Variants in POLR3B observed in about 807,000 individuals in gnomAD.
The protein encoded by POLR3B is RNA polymerase III subunit B.
In POLR3B, 96 loss-of-function variants were observed where a neutral mutation model predicts 147.4. That is an observed-to-expected ratio of 0.65 (90% confidence interval 0.55 to 0.77). The LOEUF is 0.77. POLR3B is among the 30% of genes least tolerant of loss of function. The probability of loss-of-function intolerance (pLI) is 0.00; values close to 1 mark genes in which losing one functional copy is unlikely to be tolerated. For synonymous variants in POLR3B, 461 were observed against 485.9 expected (o/e 0.95, Z 0.67); for missense variants, 1,036 against 1,413.5 (o/e 0.73, Z 4.28).
At chr12:106,374,271 C>A (rs1350036109) in intron 6 of POLR3B, among the ~76,000 whole-genome samples, 1 of 152,124 alleles carries the variant, frequency 6.6e-6, no homozygotes, top group East Asian at 1.9e-4. Flanking sequence ...GGCCAGAGTG[C>A]AATGGTACAC....
intron 4 of POLR3B, among the ~76,000 whole-genome samples, chr12:106,367,784 T>C (rs1405216414): frequency 2.0e-5 from 3 of 152,226 alleles, no homozygotes; most frequent in Non-Finnish European, 2.9e-5. Flanking sequence ...CTTTTGTAAT[T>C]AATAAGTATC....
chr12:106,439,804 C>A (rs1162578175), intron 18 of POLR3B, among the ~76,000 whole-genome samples: 1 of 152,142 alleles, frequency 6.6e-6, no homozygotes, highest in Non-Finnish European at 1.5e-5. Context: ...CACCTATAAT[C>A]CCAGCAATTT....
At chr12:106,447,183 T>A (rs2037735430) in intron 19 of POLR3B, among the ~76,000 whole-genome samples, 1 of 152,196 alleles carries the variant, frequency 6.6e-6, no homozygotes, top group South Asian at 2.1e-4. Flanking sequence ...AGATAGTAGC[T>A]CAGAATTAAT....
At chr12:106,405,537 T>G (rs1175556240) in intron 10 of POLR3B, among the ~76,000 whole-genome samples, 2 of 67,312 alleles carry the variant, frequency 3.0e-5, no homozygotes, top group Non-Finnish European at 5.9e-5. Flanking sequence ...CTGCTATATG[T>G]CTACACACAC....
chr12:106,369,786 A>G (rs1463713462), intron 6 of POLR3B, 103 bp downstream of exon 6: 6 of 756,002 alleles, frequency 7.9e-6, no homozygotes, highest in Non-Finnish European at 1.4e-5. Flanking sequence ...TGCCTATTTC[A>G]TAGGTCCAAT....
chr12:106,509,911 C>A lies in POLR3B; in HGVS notation c.*362C>A. The A allele has an allele frequency of 4.6e-6, 1 of 217,074 alleles. No individual in the cohort carries two copies. The highest frequency in any genetic ancestry group is 9.4e-6 in the Non-Finnish European group (1 of 106,768). 13.4% of individuals were successfully genotyped at this position (217,074 alleles called of 1,614,324 possible). The stretch of plus-strand genomic sequence containing the variant: ...TTTGGGGTCAAATTTACCATATCTT[C>A]TGGCTAACCATATTCAAGATTCTTC... On this transcript the variant is annotated 3_prime_UTR_variant, in exon 28 of 28. Transcript: ENST00000228347.
intron 26 of POLR3B, among the ~76,000 whole-genome samples, chr12:106,502,971 G>A (rs148864478): frequency 9.2e-4 from 140 of 152,228 alleles, no homozygotes; most frequent in African/African-American, 3.2e-3. Flanking sequence ...AGACTGCCTC[G>A]AGTGCGTTTG....
chr12:106,419,556 T>C (rs1348240162), intron 12 of POLR3B, among the ~76,000 whole-genome samples: 1 of 152,170 alleles, frequency 6.6e-6, no homozygotes, highest in East Asian at 1.9e-4. Flanking sequence ...ACCTCAGAAT[T>C]CTTTAAGAAA....
rs778337028 is a variant in POLR3B at position 106,363,885 on chromosome 12, C to T, written c.88C>T (p.Leu30Phe). The T allele has an allele frequency of 3.1e-6, 5 of 1,608,364 alleles. No individual in the cohort carries two copies. The South Asian group carries it at 5.5e-5, about 18-fold the overall frequency. Residue 30 changes from leucine to phenylalanine, a missense_variant, in exon 2 of 28, where the codon CTT (leucine) becomes TTT (phenylalanine). Physicochemically the swap from Leu to Phe is conservative, Grantham distance 22. Coordinates refer to ENST00000228347, the MANE Select transcript of POLR3B (RefSeq NM_018082.6). ...IPTVEEKWRL[L>F]PAFLKVKGLV... ...TGGCTCACAGGAAAAATGGAGGCTG[C>T]TTCCAGCATTTTTAAAGGTAATTGT...
chr12:106,390,684 C>A (rs1483221461), intron 9 of POLR3B, among the ~76,000 whole-genome samples: 5 of 142,296 alleles, frequency 3.5e-5, no homozygotes, highest in African/African-American at 5.4e-5. Context: ...AAAGGTCTTG[C>A]ATCCTGAGAA....
intron 25 of POLR3B, chr12:106,500,164 A>G (rs1317471600): frequency 4.4e-6 from 2 of 455,926 alleles, no homozygotes; most frequent in Admixed American, 2.4e-5. Flanking sequence ...TAAGTAGCAC[A>G]TGGTAGTTGC....
chr12:106,387,589 G>T (rs1368456099), intron 9 of POLR3B, among the ~76,000 whole-genome samples: 1 of 152,028 alleles, frequency 6.6e-6, no homozygotes, highest in East Asian at 1.9e-4. Flanking sequence ...GGTCATAAAT[G>T]GTCACTTTTA....
intron 6 of POLR3B, among the ~76,000 whole-genome samples, chr12:106,369,998 T>A (rs566527466): frequency 1.3e-5 from 2 of 152,314 alleles, no homozygotes; most frequent in South Asian, 4.1e-4. Flanking sequence ...GATAGGTATA[T>A]TCTGAGATTG....
intron 23 of POLR3B, among the ~76,000 whole-genome samples, chr12:106,473,755 A>T (rs1199269192): frequency 0.013 from 1,594 of 121,724 alleles, 34 homozygotes; most frequent in African/African-American, 0.049. Context: ...CAGCTTAAGG[A>T]GATTTTGGGC....
intron 4 of POLR3B, among the ~76,000 whole-genome samples, chr12:106,368,788 GTTCCAC>G (rs1200682196): frequency 6.6e-6 from 1 of 152,086 alleles, no homozygotes; most frequent in Non-Finnish European, 1.5e-5. Flanking sequence ...GAAAATAGTT[GTTCCAC>G]TTCCAGTTCT....
intron 23 of POLR3B, among the ~76,000 whole-genome samples, chr12:106,471,268 G>C (rs552178947): frequency 1.1e-4 from 17 of 152,306 alleles, no homozygotes; most frequent in Admixed American, 3.3e-4. Context: ...GACCAACCAA[G>C]CCCAGGCACA....
At chr12:106,373,551 C>T (rs563230392) in intron 6 of POLR3B, among the ~76,000 whole-genome samples, 6 of 152,088 alleles carry the variant, frequency 3.9e-5, no homozygotes, top group African/African-American at 7.2e-5. Flanking sequence ...GTTGGGAGTT[C>T]GAGACCAGCC....
Position 106,499,798 on chromosome 12 carries a change from T to C in POLR3B, c.2985-1525T>C, listed in dbSNP as rs559125567. Among the ~76,000 whole-genome samples the C allele has an allele frequency of 2.6e-3, 403 of 152,314 alleles. 1 individual carries two copies. Among genetic ancestry groups the C allele is most frequent in the African/African-American group, 8.7e-3 (360 of 41,562 alleles). ...CTCTCCATTGTGCCTTCCACTCCAC[T>C]CTGTGTCTTCCAAGAACCAGGTTGT... On this transcript the variant is annotated intron_variant, in intron 25 of 27. Coordinates refer to ENST00000228347, the MANE Select transcript of POLR3B (RefSeq NM_018082.6).
chr12:106,464,568 C>G (rs189584566), intron 23 of POLR3B, among the ~76,000 whole-genome samples: 7 of 152,314 alleles, frequency 4.6e-5, no homozygotes, highest in African/African-American at 1.7e-4. Context: ...GCCACACTGA[C>G]TGTTAAGCAG....
Sources: allele counts gnomAD v4.1 joint callset (sites outside exome capture counted in the v4.1 genomes callset), GRCh38; gene constraint gnomAD v4.1.1; transcripts MANE v1.5; gene names NCBI Gene and HGNC (gene_info 2026-07-23, HGNC 2026-07-21).